INPP5D: variants seen among roughly 807,000 people sequenced by gnomAD.
The protein encoded by INPP5D is inositol polyphosphate-5-phosphatase D.
Under a neutral mutation model 122.9 loss-of-function variants are expected in INPP5D, and 33 were observed. That is an observed-to-expected ratio of 0.27 (90% confidence interval 0.20 to 0.36). INPP5D has a LOEUF of 0.36. Ranked by LOEUF, INPP5D falls within the 10% of genes least tolerant of loss-of-function variation. The probability of loss-of-function intolerance (pLI) is 1.00; values close to 1 mark genes in which losing one functional copy is unlikely to be tolerated. For synonymous variants in INPP5D, 584 were observed against 576.2 expected (o/e 1.01, Z -0.19); for missense variants, 1,053 against 1,412.7 (o/e 0.75, Z 4.08).
chr2:233,168,646 T>G (rs1162754177), intron 13 of INPP5D, among the ~76,000 whole-genome samples: 1 of 152,264 alleles, frequency 6.6e-6, no homozygotes, highest in East Asian at 1.9e-4. Context: ...TGGTTTTTCT[T>G]TTGATTTGTT....
intron 6 of INPP5D, 78 bp downstream of exon 6, chr2:233,140,007 G>GGAGGAA (rs2106273280): frequency 5.1e-6 from 2 of 394,974 alleles, no homozygotes; most frequent in East Asian, 7.2e-5. Context: ...TGAGGGCTCA[G>GGAGGAA]GAGGAAGAGG....
intron 2 of INPP5D, among the ~76,000 whole-genome samples, chr2:233,086,474 C>G (rs1349851321): frequency 1.3e-5 from 2 of 152,004 alleles, no homozygotes; most frequent in African/African-American, 4.8e-5. Context: ...CCACCGCACC[C>G]AGCCAAGATA....
chr2:233,148,608 A>G (rs1693834839), intron 9 of INPP5D, among the ~76,000 whole-genome samples: 1 of 152,162 alleles, frequency 6.6e-6, no homozygotes, highest in African/African-American at 2.4e-5. Context: ...ATGGGGCTGG[A>G]GAACAGCAGC....
At position 233,079,318 on chromosome 2, in the gene INPP5D, T is replaced by A. The variant is rs1233405760; in HGVS notation, c.135-17T>A. 6.5e-7 allele frequency: 1 copy of A among 1,549,192 alleles called. No homozygotes were observed. The highest frequency in any genetic ancestry group is 1.1e-5 in the South Asian group (1 of 89,756). ...TCTTCCTGCATGGGTTCTAATAAAG[T>A]CTTTGATCTATTTCAGGTATCGGAA... On this transcript the variant is annotated splice_polypyrimidine_tract_variant and intron_variant, in intron 1 of 26. Coordinates refer to ENST00000445964, the MANE Select transcript of INPP5D (RefSeq NM_001017915.3).
chr2:233,130,342 G>A (rs1003888299), intron 4 of INPP5D, among the ~76,000 whole-genome samples, 166 bp from the exon 5 acceptor site: 2 of 152,182 alleles, frequency 1.3e-5, no homozygotes, highest in South Asian at 4.1e-4. Flanking sequence ...CCCCATCAGT[G>A]AGACCACGGG....
intron 9 of INPP5D, among the ~76,000 whole-genome samples, chr2:233,152,586 T>A (rs1006460460): frequency 6.6e-6 from 1 of 152,028 alleles, no homozygotes; most frequent in Admixed American, 6.6e-5. Flanking sequence ...AATAGAAAAA[T>A]ATGACAGTAA....
intron 2 of INPP5D, among the ~76,000 whole-genome samples, chr2:233,102,981 G>A (rs542739841): frequency 6.6e-6 from 1 of 152,214 alleles, no homozygotes; most frequent in African/African-American, 2.4e-5. Flanking sequence ...GAAACCATTT[G>A]AATGGGTGTC....
chr2:233,146,941 C>G (rs1693776980), intron 8 of INPP5D, among the ~76,000 whole-genome samples: 1 of 152,170 alleles, frequency 6.6e-6, no homozygotes, highest in Admixed American at 6.5e-5. Flanking sequence ...GACCCGCACC[C>G]CCTCCGCCAC....
chr2:233,157,682 T>C (rs755352464), intron 9 of INPP5D, among the ~76,000 whole-genome samples: 5 of 151,868 alleles, frequency 3.3e-5, no homozygotes, highest in Non-Finnish European at 7.4e-5. Context: ...TCATCTTCCA[T>C]AGTGGACAGT....
chr2:233,203,338 G>A (rs948305455), intron 25 of INPP5D, among the ~76,000 whole-genome samples: 1 of 152,186 alleles, frequency 6.6e-6, no homozygotes, highest in Non-Finnish European at 1.5e-5. Context: ...GCTGTGGAGA[G>A]CAGGCTCATC....
intron 25 of INPP5D, among the ~76,000 whole-genome samples, chr2:233,200,181 GGCTACGCAGCCGAGGAACAGGGTCA>G (rs1695296239): frequency 6.6e-6 from 1 of 152,200 alleles, no homozygotes; most frequent in African/African-American, 2.4e-5. Flanking sequence ...TAGGAGACCG[GGCTACGCAGCCGAGGAACAGGGTCA>G]GCACTTCCCA....
chr2:233,173,811 T>G (rs953223456), intron 17 of INPP5D, among the ~76,000 whole-genome samples: 12 of 152,114 alleles, frequency 7.9e-5, no homozygotes, highest in Non-Finnish European at 1.6e-4. Flanking sequence ...TGTGCACCTG[T>G]AATCCCAGCT....
At chr2:233,194,802 T>TTTTC (rs1695141092) in intron 23 of INPP5D, among the ~76,000 whole-genome samples, 1 of 151,128 alleles carries the variant, frequency 6.6e-6, no homozygotes, top group Non-Finnish European at 1.5e-5. Flanking sequence ...GAGCCTTTTT[T>TTTTC]TTTCTTTCTT....
chr2:233,192,166 G>A (rs761308335), intron 22 of INPP5D, among the ~76,000 whole-genome samples: 7 of 152,184 alleles, frequency 4.6e-5, no homozygotes, highest in Admixed American at 6.5e-5. Context: ...CCCTCGTCAC[G>A]GATGCAAGAG....
intron 9 of INPP5D, among the ~76,000 whole-genome samples, chr2:233,153,687 G>A (rs1042440574): frequency 2.0e-5 from 3 of 152,178 alleles, no homozygotes; most frequent in South Asian, 4.1e-4. Context: ...CAGCCCAACA[G>A]ATCACACTCC....
chr2:233,109,036 G>C (rs982629007), intron 2 of INPP5D, among the ~76,000 whole-genome samples: 1 of 151,720 alleles, frequency 6.6e-6, no homozygotes, highest in Admixed American at 6.6e-5. Flanking sequence ...ATCAAGCCAT[G>C]GGTTGTGGCA....
chr2:233,063,948 C>G (rs1403554944), intron 1 of INPP5D, among the ~76,000 whole-genome samples: 1 of 152,266 alleles, frequency 6.6e-6, no homozygotes, highest in East Asian at 1.9e-4. Flanking sequence ...GGCTCATGCC[C>G]TCTCCTGCCA....
chr2:233,177,195 T>C lies in INPP5D; in HGVS notation c.1990-70T>C, dbSNP rs1574789008. The C allele has an allele frequency of 1.3e-6, 2 of 1,592,314 alleles. No homozygotes were observed. The highest frequency in any genetic ancestry group is 4.5e-5 in the East Asian group (2 of 44,260). ...GAGGATTACAGAGGCCACCAGTTAA[T>C]CTGTTCTTTTACTGATTAAAAAAAT... On this transcript the variant is annotated intron_variant, in intron 17 of 26. Transcript: ENST00000445964. The surrounding 1 kb of genome is among the most constrained non-coding windows in gnomAD (Gnocchi z 4.2).
intron 6 of INPP5D, 148 bp downstream of exon 6, chr2:233,140,077 G>T (rs1029490385): frequency 2.6e-6 from 1 of 387,426 alleles, no homozygotes; most frequent in Non-Finnish European, 4.6e-6. Flanking sequence ...TGGGTTGGGG[G>T]TGGGAGCCTC....
Sources: gnomAD v4.1 joint callset for allele counts (sites outside exome capture counted in the v4.1 genomes callset) on GRCh38, gnomAD v4.1.1 for gene constraint, Gnocchi (gnomAD v3.1) non-coding constraint, MANE v1.5 for transcripts, NCBI Gene and HGNC (gene_info 2026-07-23, HGNC 2026-07-21) for gene names.